The following KIAA0930 variants were observed in gnomAD, a reference collection of about 807,000 sequenced individuals.
KIAA0930 encodes KIAA0930.
In KIAA0930, 24 loss-of-function variants were observed where a neutral mutation model predicts 43.9. The observed-to-expected ratio is 0.55, with a 90% CI of 0.40 to 0.77. The LOEUF (loss-of-function observed/expected upper bound fraction) is 0.77, where lower values mean the gene tolerates loss of function less well. Among genes scored for constraint, KIAA0930 ranks in the 30% least tolerant of loss-of-function variants. The pLI is 0.00. For synonymous variants in KIAA0930, 259 were observed against 216.4 expected (o/e 1.20, Z -1.73); for missense variants, 461 against 574.2 (o/e 0.80, Z 2.02).
intron 1 of KIAA0930, among the ~76,000 whole-genome samples, chr22:45,229,504 G>A (rs1050434328): frequency 8.5e-5 from 13 of 152,138 alleles, no homozygotes; most frequent in Non-Finnish European, 1.3e-4. Context: ...AGCCACACAC[G>A]AGGGACTACG....
chr22:45,231,968 G>C (rs1441767988), intron 1 of KIAA0930, among the ~76,000 whole-genome samples: 1 of 152,212 alleles, frequency 6.6e-6, no homozygotes, highest in Non-Finnish European at 1.5e-5. Context: ...TACAGCCTGG[G>C]TGACAGAGCG....
At chr22:45,234,680 C>T (rs989981166) in intron 1 of KIAA0930, among the ~76,000 whole-genome samples, 2 of 152,234 alleles carry the variant, frequency 1.3e-5, no homozygotes, top group East Asian at 1.9e-4. Flanking sequence ...AGCTTTGCTG[C>T]AAGTTATTTC....
intron 1 of KIAA0930, chr22:45,213,248 C>CCAGCCCTCGGCCCT (rs2083709886): frequency 1.7e-6 from 2 of 1,207,112 alleles, no homozygotes; most frequent in South Asian, 2.5e-5. Flanking sequence ...ACAGCCAGCC[C>CCAGCCCTCGGCCCT]CAGCCCTCGG....
intron 6 of KIAA0930, 121 bp downstream of exon 6, chr22:45,203,723 AC>A (rs2083610480): frequency 4.6e-6 from 5 of 1,080,212 alleles, no homozygotes; most frequent in Non-Finnish European, 6.6e-6. Context: ...GGCTGCAGGT[AC>A]CCCTGGCGGC....
intron 5 of KIAA0930, 69 bp downstream of exon 5, chr22:45,205,148 G>T: frequency 7.6e-7 from 1 of 1,311,582 alleles, no homozygotes; most frequent in Non-Finnish European, 1.1e-6. Flanking sequence ...TAAGGCCGCG[G>T]GGAGAAGCGC....
At chr22:45,238,508 C>T (rs1352205784) in intron 1 of KIAA0930, among the ~76,000 whole-genome samples, 1 of 152,198 alleles carries the variant, frequency 6.6e-6, no homozygotes, top group East Asian at 1.9e-4. Context: ...ACAGGCAGAA[C>T]AGGACTGTGT....
At chr22:45,206,739 G>A (rs5766537) in intron 2 of KIAA0930, among the ~76,000 whole-genome samples, 37,680 of 148,944 alleles carry the variant, frequency 0.25, 5,030 homozygotes, top group Non-Finnish European at 0.3. Flanking sequence ...CACTCCATCC[G>A]TCACCCAGGC....
chr22:45,235,285 G>A (rs573419377), intron 1 of KIAA0930: 9 of 152,382 alleles, frequency 5.9e-5, no homozygotes, highest in East Asian at 3.9e-4. Context: ...CTGCAAAGAT[G>A]TCCATGCAGC....
intron 2 of KIAA0930, among the ~76,000 whole-genome samples, chr22:45,206,208 C>T (rs1008293927): frequency 1.3e-5 from 2 of 152,098 alleles, no homozygotes; most frequent in South Asian, 4.1e-4. Context: ...GTAGATGTGG[C>T]GTTTCGCCAT....
Position 45,199,869 on chromosome 22 carries a change from T to A in KIAA0930, c.1015+4A>T, listed in dbSNP as rs1601807745. 1 of 1,559,570 alleles carries A rather than the reference T, an allele frequency of 6.4e-7. No homozygotes were observed. The highest frequency in any genetic ancestry group is 1.8e-5 in the Admixed American group (1 of 55,182). On this transcript the variant is annotated splice_donor_region_variant and intron_variant, in intron 8 of 9. Transcript: ENST00000336156. ...GGACCCTAGGGCACGGAGTGGGGGG[T>A]CACCTCCACCGTCGTCCTCCCGGAA...
intron 1 of KIAA0930, chr22:45,236,338 G>A (rs1327705535): frequency 4.6e-5 from 7 of 152,418 alleles, no homozygotes; most frequent in Admixed American, 3.3e-4. Context: ...CGAGGCCAGG[G>A]CTGGGAAATA....
At chr22:45,201,033 A>C (rs1335212257) in intron 7 of KIAA0930, 1 of 529,466 alleles carries the variant, frequency 1.9e-6, no homozygotes, top group Non-Finnish European at 3.9e-6. Context: ...GCCAACAATA[A>C]TCTGAGGAGC....
At chr22:45,224,530 G>C (rs1403912764) in intron 1 of KIAA0930, among the ~76,000 whole-genome samples, 2 of 152,202 alleles carry the variant, frequency 1.3e-5, no homozygotes, top group Non-Finnish European at 2.9e-5. Flanking sequence ...TTGGAAGCTG[G>C]TGTTTGAACC....
At chr22:45,205,156 C>T (rs530945675) in intron 5 of KIAA0930, 61 bp downstream of exon 5, 398 of 1,362,590 alleles carry the variant, frequency 2.9e-4, no homozygotes, top group Non-Finnish European at 3.7e-4. Context: ...CGGGGAGAAG[C>T]GCCTAACACC....
At position 45,196,844 on chromosome 22, in the gene KIAA0930, C is replaced by T. The variant is rs139404089; in HGVS notation, c.*332G>A. The stretch of plus-strand genomic sequence containing the variant: ...GAACATAGACCCGCCGCTCTGGCCC[C>T]GCTCTGGGCATCAGCTGCTCCTTCC... On this transcript the variant is annotated 3_prime_UTR_variant, in exon 10 of 10. Coordinates refer to ENST00000336156, the MANE Select transcript of KIAA0930 (RefSeq NM_001009880.2). This position sits in a 1 kb window ranked among gnomAD's most constrained non-coding sequence, Gnocchi z 4.1. The T allele has an allele frequency of 6.1e-4, 197 of 320,510 alleles. No individual in the cohort carries two copies. Among genetic ancestry groups the T allele is most frequent in the South Asian group, 1.2e-3 (16 of 13,816 alleles). 19.9% of individuals were successfully genotyped at this position (320,510 alleles called of 1,614,324 possible).
intron 1 of KIAA0930, among the ~76,000 whole-genome samples, chr22:45,239,919 G>A (rs1021498306): frequency 1.7e-4 from 26 of 152,018 alleles, no homozygotes; most frequent in Admixed American, 1.2e-3. Context: ...CATCAGTAAT[G>A]GATTACCTCA....
Position 45,212,061 on chromosome 22 carries a change from G to A in KIAA0930, c.111C>T (p.Ser37=), listed in dbSNP as rs751771824. ...GAGCCCATTTCTCCATGAAGTAGGT[G>A]GAGAACATCCAAGTCCAGAAGACGA... ...DRIVFWTWMF[S]TYFMEKWAPR... is the part of the protein sequence containing the mutation. Residue 37 remains serine, a synonymous_variant, in exon 2 of 10, where the codon TCC becomes TCT. Transcript: ENST00000336156. 3.7e-6 allele frequency: 6 copies of A among 1,613,804 alleles called. No homozygotes were observed. The highest frequency in any genetic ancestry group is 5.1e-6 in the Non-Finnish European group (6 of 1,180,014).
At chr22:45,223,541 A>G (rs1381512758) in intron 1 of KIAA0930, among the ~76,000 whole-genome samples, 1 of 152,194 alleles carries the variant, frequency 6.6e-6, no homozygotes. Flanking sequence ...GAAGCCTTTA[A>G]AATTGTGCTG....
At chr22:45,237,924 C>CTT (rs35293203) in intron 1 of KIAA0930, among the ~76,000 whole-genome samples, 2 of 143,640 alleles carry the variant, frequency 1.4e-5, no homozygotes, top group Non-Finnish European at 1.5e-5. Flanking sequence ...AAAATGAGCC[C>CTT]TTTTTTTTTT....
Sources: gnomAD v4.1 joint callset for allele counts (sites outside exome capture counted in the v4.1 genomes callset) on GRCh38, gnomAD v4.1.1 for gene constraint, Gnocchi (gnomAD v3.1) non-coding constraint, MANE v1.5 for transcripts, NCBI Gene and HGNC (gene_info 2026-07-23, HGNC 2026-07-21) for gene names.